Variants in BCR observed in about 807,000 individuals in gnomAD.
BCR encodes BCR activator of RhoGEF and GTPase, also known as breakpoint cluster region protein.
In BCR, 58 loss-of-function variants were observed where a neutral mutation model predicts 138.6. That is an observed-to-expected ratio of 0.42 (90% CI 0.34 to 0.52). The LOEUF is 0.52. Ranked by LOEUF, BCR falls within the 20% of genes least tolerant of loss-of-function variation. The probability of loss-of-function intolerance (pLI) is 0.06; values close to 1 mark genes in which losing one functional copy is unlikely to be tolerated. For missense variants in BCR, 1,599 were observed against 1,727.2 expected, an observed-to-expected ratio of 0.93 and a Z score of 1.32; for synonymous variants, 786 against 730.1, an observed-to-expected ratio of 1.08 and a Z score of -1.23.
chr22:23,230,163 G>A (rs1055076450), intron 1 of BCR, among the ~76,000 whole-genome samples: 45 of 151,838 alleles, frequency 3.0e-4, no homozygotes, highest in African/African-American at 1.1e-3. Flanking sequence ...CACTGCCAAG[G>A]TGTCCTTAAA....
intron 16 of BCR, among the ~76,000 whole-genome samples, chr22:23,301,630 C>T (rs999567299): frequency 6.6e-6 from 1 of 152,246 alleles, no homozygotes; most frequent in Non-Finnish European, 1.5e-5. Context: ...GTAACCGTGC[C>T]ATCTGAGCCA....
At chr22:23,212,798 C>T (rs746031164) in intron 1 of BCR, among the ~76,000 whole-genome samples, 6 of 152,230 alleles carry the variant, frequency 3.9e-5, no homozygotes, top group Non-Finnish European at 5.9e-5. Flanking sequence ...TGAAGAGGAA[C>T]ATAGATGCAC....
chr22:23,214,864 G>A (rs562503372), intron 1 of BCR, among the ~76,000 whole-genome samples: 3 of 152,240 alleles, frequency 2.0e-5, no homozygotes, highest in Middle Eastern at 3.4e-3. Context: ...TTAAGCATAC[G>A]ATCGATGCAT....
Position 23,265,326 on chromosome 22 carries a change from T to C in BCR, c.1753-3082T>C, listed in dbSNP as rs186316667. 2.1e-3 allele frequency among the ~76,000 whole-genome samples: 317 copies of C among 152,338 alleles called. 1 individual carries two copies. Among genetic ancestry groups the C allele is most frequent in the African/African-American group, 7.3e-3 (303 of 41,570 alleles). On this transcript the variant is annotated intron_variant, in intron 4 of 22. Transcript: ENST00000305877. ...CGTGTGTTCAACCTGGGCTGGGTGCTGGGGACTCCCCAAGGACAGATAGGC... is the reference window on the plus strand; with the variant it reads ...CGTGTGTTCAACCTGGGCTGGGTGCCGGGGACTCCCCAAGGACAGATAGGC...
chr22:23,302,074 G>GC (rs1180536539), intron 16 of BCR, among the ~76,000 whole-genome samples: 11 of 151,878 alleles, frequency 7.2e-5, no homozygotes, highest in East Asian at 3.9e-4. Flanking sequence ...AATTTCTAGA[G>GC]CCCCCCCACC....
chr22:23,185,738 TG>T (rs2072333720), intron 1 of BCR, among the ~76,000 whole-genome samples: 1 of 149,818 alleles, frequency 6.7e-6, no homozygotes, highest in Admixed American at 6.7e-5. Context: ...TTGTTGTTGT[TG>T]TTTTTTTGAG....
chr22:23,234,696 G>T (rs755323611), intron 1 of BCR, among the ~76,000 whole-genome samples: 2 of 106,264 alleles, frequency 1.9e-5, no homozygotes, highest in Non-Finnish European at 5.0e-5. Flanking sequence ...GCCCAGAATG[G>T]AGCACCCAGG....
chr22:23,231,250 G>A (rs909285714), intron 1 of BCR, among the ~76,000 whole-genome samples: 1 of 152,086 alleles, frequency 6.6e-6, no homozygotes, highest in South Asian at 2.1e-4. Flanking sequence ...TGGCTTGCTC[G>A]TAATCCCAGT....
chr22:23,265,440 C>T (rs1189762339), intron 4 of BCR, among the ~76,000 whole-genome samples: 2 of 152,178 alleles, frequency 1.3e-5, no homozygotes, highest in Non-Finnish European at 2.9e-5. Flanking sequence ...AGTCTTAGGA[C>T]CAAAGGAGCT....
At position 23,180,977 on chromosome 22, in the gene BCR, G is replaced by T; in HGVS notation, c.17G>T (p.Gly6Val). 7.1e-7 allele frequency: 1 copy of T among 1,410,900 alleles called. No homozygotes were observed. Among genetic ancestry groups the T allele is most frequent in the Non-Finnish European group, 9.4e-7 (1 of 1,065,310 alleles). 87.4% of individuals were successfully genotyped at this position (1,410,900 alleles called of 1,614,324 possible). ...GGCCGCGCCATGGTGGACCCGGTGG[G>T]CTTCGCGGAGGCGTGGAAGGCGCAG... MVDPV[G>V]FAEAWKAQFP... is the part of the protein sequence containing the mutation. Residue 6 changes from glycine (G) to valine (V), a missense_variant, in exon 1 of 23, where the codon GGC becomes GTC. Physicochemically the swap from Gly to Val is moderately radical, Grantham distance 109. Transcript: ENST00000305877.
At chr22:23,263,838 A>T in intron 4 of BCR, 1 of 1,081,734 alleles carries the variant, frequency 9.2e-7, no homozygotes, top group Non-Finnish European at 1.4e-6. Context: ...GTGTTTATAC[A>T]CCATCCAGAC....
intron 1 of BCR, among the ~76,000 whole-genome samples, chr22:23,216,001 A>G (rs1261086230): frequency 6.6e-6 from 1 of 152,154 alleles, no homozygotes; most frequent in Non-Finnish European, 1.5e-5. Context: ...TGAGCTGGTA[A>G]TTACCAAGTC....
chr22:23,290,833 CT>C (rs1466820073), intron 14 of BCR: 2 of 218,904 alleles, frequency 9.1e-6, no homozygotes, highest in Non-Finnish European at 1.9e-5. Flanking sequence ...TTTTTTTTTC[CT>C]TTCCCTCTAA....
In BCR at chr22:23,235,280, A is replaced by T. The variant is rs1024924225; in HGVS notation, c.1280-18519A>T. On this transcript the variant is annotated intron_variant, in intron 1 of 22. Coordinates refer to ENST00000305877, the MANE Select transcript of BCR (RefSeq NM_004327.4). ...TTTTTAGTAGAGACGGGGTTTCACC[A>T]TGCTGGCCAGACTGGTCTCGAACTC... 6.3e-5 allele frequency among the ~76,000 whole-genome samples: 9 copies of T among 143,926 alleles called. 1 individual carries two copies. Among genetic ancestry groups the T allele is most frequent in the South Asian group, 2.3e-4 (1 of 4,260 alleles). The allele number at this position is 143,926 out of a possible 152,430, so 94.4% of individuals were successfully genotyped here. A position where few individuals can be genotyped will look rare whatever the true frequency, so the allele number is the denominator to read the frequency against.
chr22:23,184,927 G>A (rs1192790226), intron 1 of BCR, among the ~76,000 whole-genome samples: 1 of 152,148 alleles, frequency 6.6e-6, no homozygotes, highest in Non-Finnish European at 1.5e-5. Context: ...GGGGGTGGGT[G>A]GGGGGAGGAA....
intron 1 of BCR, among the ~76,000 whole-genome samples, chr22:23,228,217 A>G (rs1200539359): frequency 6.6e-6 from 1 of 152,126 alleles, no homozygotes; most frequent in Non-Finnish European, 1.5e-5. Flanking sequence ...TGATATAAGC[A>G]TTTGATGCTG....
At chr22:23,198,231 TG>T in intron 1 of BCR, 1 of 429,302 alleles carries the variant, frequency 2.3e-6, no homozygotes, top group Non-Finnish European at 4.6e-6. Context: ...AGGAGGTGGG[TG>T]GGGATTCAGG....
rs895079859 is a variant in BCR at position 23,317,168 on chromosome 22, C to G, written c.*1646C>G. 6 of 188,956 alleles carry G rather than the reference C, an allele frequency of 3.2e-5. No individual in the cohort carries two copies. The highest frequency in any genetic ancestry group is 6.2e-5 in the Non-Finnish European group (6 of 96,384). 11.7% of individuals were successfully genotyped at this position (188,956 alleles called of 1,614,324 possible). ...ACCCGCAGCTCACTAGGGAGCCTGA[C>G]AGTGGGGCCATGCGCCTGACACTCC... On this transcript the variant is annotated 3_prime_UTR_variant, in exon 23 of 23. Coordinates refer to ENST00000305877, the MANE Select transcript of BCR (RefSeq NM_004327.4).
chr22:23,264,002 TG>T, intron 4 of BCR: 1 of 891,868 alleles, frequency 1.1e-6, no homozygotes. Context: ...CCCCAAGGGC[TG>T]GGGTGCTGGA....
Sources: allele counts gnomAD v4.1 joint callset (sites outside exome capture counted in the v4.1 genomes callset), GRCh38; gene constraint gnomAD v4.1.1; transcripts MANE v1.5; gene names NCBI Gene and HGNC (gene_info 2026-07-23, HGNC 2026-07-21).